Variants in CNBD1 observed in about 807,000 individuals in gnomAD.
The protein encoded by CNBD1 is cyclic nucleotide-binding domain-containing protein 1.
CNBD1 carries 71 observed loss-of-function variants against 54.4 expected under a neutral mutation model. That is an observed-to-expected ratio of 1.30 (90% confidence interval 1.08 to 1.59). The LOEUF is 1.59. Ranked by LOEUF, CNBD1 falls within the 40% of genes most tolerant of loss-of-function variation. CNBD1 has a pLI of 0.00. For synonymous variants in CNBD1, 182 were observed against 170.7 expected (o/e 1.07, Z -0.51); for missense variants, 659 against 518.0 (o/e 1.27, Z -2.64).
At chr8:87,427,099 A>G (rs1192455428) in intron 2 of CNBD1, among the ~76,000 whole-genome samples, 3 of 152,156 alleles carry the variant, frequency 2.0e-5, no homozygotes, top group Non-Finnish European at 4.4e-5. Context: ...CAGCATGACA[A>G]GGACCTCGCA....
intron 4 of CNBD1, among the ~76,000 whole-genome samples, chr8:86,955,088 G>A (rs929895815): frequency 6.6e-6 from 1 of 151,404 alleles, no homozygotes; most frequent in South Asian, 2.1e-4. Context: ...GCGGTGTTTG[G>A]TGTTCTGTCC....
intron 8 of CNBD1, among the ~76,000 whole-genome samples, chr8:87,289,141 A>G (rs372625350): frequency 6.6e-6 from 1 of 152,202 alleles, no homozygotes; most frequent in African/African-American, 2.4e-5. Context: ...AAGCATAATT[A>G]TGTGTGTTTT....
At chr8:86,993,576 G>A (rs1808800471) in intron 4 of CNBD1, among the ~76,000 whole-genome samples, 1 of 152,202 alleles carries the variant, frequency 6.6e-6, no homozygotes, top group African/African-American at 2.4e-5. Flanking sequence ...TAGCTCATCT[G>A]AGAAGGCTGG....
chr8:87,117,213 A>G (rs1563475128), intron 4 of CNBD1, among the ~76,000 whole-genome samples: 3 of 152,076 alleles, frequency 2.0e-5, no homozygotes. Flanking sequence ...CCTGGCCAAC[A>G]TGGTGAAACC....
chr8:87,181,458 A>G (rs1373004110), intron 4 of CNBD1, among the ~76,000 whole-genome samples: 1 of 152,156 alleles, frequency 6.6e-6, no homozygotes, highest in Non-Finnish European at 1.5e-5. Flanking sequence ...GAGACTCAGA[A>G]GTTTGTCAAT....
At chr8:87,167,168 T>G (rs1356759087) in intron 4 of CNBD1, among the ~76,000 whole-genome samples, 1 of 152,022 alleles carries the variant, frequency 6.6e-6, no homozygotes, top group African/African-American at 2.4e-5. Flanking sequence ...ATTTTTATAT[T>G]CAATCAAGCA....
intron 4 of CNBD1, among the ~76,000 whole-genome samples, chr8:87,204,094 A>T (rs1813919849): frequency 1.3e-5 from 2 of 152,196 alleles, no homozygotes; most frequent in African/African-American, 4.8e-5. Context: ...CCTTTGAAGG[A>T]TGAGGAGTGT....
intron 1 of CNBD1, among the ~76,000 whole-genome samples, chr8:86,869,751 C>G (rs574270007): frequency 6.6e-6 from 1 of 152,172 alleles, no homozygotes; most frequent in African/African-American, 2.4e-5. Flanking sequence ...AGTTTTACCA[C>G]CTAAGTGAAA....
intron 10 of CNBD1, among the ~76,000 whole-genome samples, chr8:87,379,588 A>G (rs1163989810): frequency 6.6e-6 from 1 of 152,002 alleles, no homozygotes; most frequent in Non-Finnish European, 1.5e-5. Flanking sequence ...TGACTAGAGA[A>G]CTGCATTCAT....
chr8:87,089,191 T>G (rs895233293), intron 4 of CNBD1, among the ~76,000 whole-genome samples: 11 of 151,966 alleles, frequency 7.2e-5, no homozygotes, highest in Admixed American at 6.6e-5. Context: ...AATTAGAGAT[T>G]GAAAAAAGGG....
intron 4 of CNBD1, among the ~76,000 whole-genome samples, chr8:86,984,475 G>C (rs1201696532): frequency 1.3e-5 from 2 of 152,118 alleles, no homozygotes; most frequent in Non-Finnish European, 2.9e-5. Flanking sequence ...CCAACATCTT[G>C]CACTGTGTGT....
At chr8:87,336,868 A>T (rs1487758630) in intron 8 of CNBD1, among the ~76,000 whole-genome samples, 3 of 151,904 alleles carry the variant, frequency 2.0e-5, no homozygotes, top group Non-Finnish European at 4.4e-5. Flanking sequence ...TGACCCTTGG[A>T]TGAGGTTTTT....
chr8:86,926,065 C>G (rs560491275), intron 3 of CNBD1, among the ~76,000 whole-genome samples: 4 of 152,064 alleles, frequency 2.6e-5, no homozygotes, highest in African/African-American at 9.7e-5. Context: ...TTTTTCAATC[C>G]TCCCCATGAT....
intron 2 of CNBD1, among the ~76,000 whole-genome samples, chr8:87,403,575 T>G (rs1807603544): frequency 6.6e-6 from 1 of 152,080 alleles, no homozygotes; most frequent in African/African-American, 2.4e-5. Context: ...TTTACTTCTC[T>G]CACACTGGAT....
intron 3 of CNBD1, among the ~76,000 whole-genome samples, chr8:86,938,206 CATCT>C (rs1169354988): frequency 6.6e-6 from 1 of 152,166 alleles, no homozygotes; most frequent in East Asian, 1.9e-4. Flanking sequence ...TCCTCATCTC[CATCT>C]GAGACCAACT....
chr8:87,233,491 C>T (rs1179806549), intron 5 of CNBD1, among the ~76,000 whole-genome samples: 1 of 152,104 alleles, frequency 6.6e-6, no homozygotes, highest in Admixed American at 6.5e-5. Flanking sequence ...ATTTAAAATA[C>T]TTAATTGCTA....
At chr8:87,227,356 C>A (rs1309825743) in intron 5 of CNBD1, among the ~76,000 whole-genome samples, 1 of 148,180 alleles carries the variant, frequency 6.7e-6, no homozygotes, top group African/African-American at 2.5e-5. Context: ...TACATTTTGG[C>A]ATGATTTTGC....
intron 10 of CNBD1, among the ~76,000 whole-genome samples, chr8:87,376,667 T>C (rs1810946727): frequency 6.6e-6 from 1 of 151,974 alleles, no homozygotes; most frequent in African/African-American, 2.4e-5. Context: ...GATTATTTAC[T>C]ATATTAAAGT....
rs189968213 is a variant in CNBD1 at position 87,335,725 on chromosome 8, G to A, written c.1043-15960G>A. Among the ~76,000 whole-genome samples the A allele has an allele frequency of 3.9e-3, 589 of 152,278 alleles. 8 individuals carry two copies. The highest frequency in any genetic ancestry group is 0.013 in the African/African-American group (560 of 41,568). On this transcript the variant is annotated intron_variant, in intron 8 of 10. Transcript: ENST00000518476. ...TTACATTTAAGGTTAATATGGTTAT[G>A]TGTGAATTTTATCATGTCGTCATGA... is the stretch of plus-strand genomic sequence containing the variant.
Sources: allele counts gnomAD v4.1 joint callset (sites outside exome capture counted in the v4.1 genomes callset), GRCh38; gene constraint gnomAD v4.1.1; transcripts MANE v1.5; gene names NCBI Gene and HGNC (gene_info 2026-07-23, HGNC 2026-07-21).